The following NCAM2 variants were observed in gnomAD, a reference collection of about 807,000 sequenced individuals.
NCAM2 encodes neural cell adhesion molecule 2, also known as N-CAM-2.
In NCAM2, 30 loss-of-function variants were observed where a neutral mutation model predicts 98.1. The observed-to-expected ratio is 0.31, with a 90% confidence interval of 0.23 to 0.41. The LOEUF (loss-of-function observed/expected upper bound fraction) is 0.41, where lower values mean the gene tolerates loss of function less well. Among genes scored for constraint, NCAM2 ranks in the 10% least tolerant of loss-of-function variants. NCAM2 has a pLI of 1.00. For synonymous variants in NCAM2, 368 were observed against 342.4 expected, an observed-to-expected ratio of 1.07 and a Z score of -0.83; for missense variants, 867 against 1,005.8, an observed-to-expected ratio of 0.86 and a Z score of 1.87.
At chr21:21,226,240 G>A (rs1025468998) in intron 1 of NCAM2, among the ~76,000 whole-genome samples, 1 of 151,854 alleles carries the variant, frequency 6.6e-6, no homozygotes, top group Non-Finnish European at 1.5e-5. Context: ...ATTATTAGAA[G>A]CACAAACCTC....
intron 9 of NCAM2, among the ~76,000 whole-genome samples, chr21:21,378,304 C>T (rs931483790): frequency 1.3e-5 from 2 of 151,870 alleles, no homozygotes; most frequent in Non-Finnish European, 2.9e-5. Context: ...ACATTCCCAA[C>T]AAGTGTTCCT....
chr21:21,016,334 A>C (rs915309050), intron 1 of NCAM2, among the ~76,000 whole-genome samples: 17 of 152,226 alleles, frequency 1.1e-4, no homozygotes, highest in African/African-American at 4.1e-4. Flanking sequence ...CAAAGAATGC[A>C]AACAATATCA....
At chr21:21,448,547 T>A (rs964064015) in intron 12 of NCAM2, among the ~76,000 whole-genome samples, 2 of 151,870 alleles carry the variant, frequency 1.3e-5, no homozygotes, top group African/African-American at 4.8e-5. Flanking sequence ...AGTAAAATAA[T>A]CAGTATTTGG....
chr21:21,189,263 G>A lies in NCAM2; in HGVS notation c.56-91315G>A, dbSNP rs112999353. On this transcript the variant is annotated intron_variant, in intron 1 of 17. Coordinates refer to ENST00000400546, the MANE Select transcript of NCAM2 (RefSeq NM_004540.5). ...TGGTCTCTATTTTAATAGCAAATAC[G>A]TTGAAAGTGAAGTTTTTAATATATA... Among the ~76,000 whole-genome samples, 515 of 152,098 alleles carry A rather than the reference G, an allele frequency of 3.4e-3. 6 individuals carry two copies. The highest frequency in any genetic ancestry group is 0.012 in the African/African-American group (492 of 41,512).
chr21:21,020,903 T>TA (rs897339503), intron 1 of NCAM2, among the ~76,000 whole-genome samples: 7 of 152,206 alleles, frequency 4.6e-5, no homozygotes, highest in African/African-American at 1.7e-4. Flanking sequence ...GCAGTCATTC[T>TA]AGAGTACCGT....
chr21:21,248,366 C>A (rs1696589395), intron 1 of NCAM2, among the ~76,000 whole-genome samples: 1 of 151,966 alleles, frequency 6.6e-6, no homozygotes, highest in Non-Finnish European at 1.5e-5. Flanking sequence ...TTTTGATTAT[C>A]ATTAAACAAT....
chr21:21,259,134 G>T (rs1180828807), intron 1 of NCAM2, among the ~76,000 whole-genome samples: 1 of 152,136 alleles, frequency 6.6e-6, no homozygotes, highest in Non-Finnish European at 1.5e-5. Flanking sequence ...CCCTGAAAAT[G>T]AGGATGTGCA....
chr21:21,534,828 T>TAGATCTGAC (rs1989896838), intron 17 of NCAM2, among the ~76,000 whole-genome samples, 172 bp downstream of exon 17: 1 of 152,142 alleles, frequency 6.6e-6, no homozygotes, highest in Non-Finnish European at 1.5e-5. Flanking sequence ...AAGGAGACAT[T>TAGATCTGAC]TTTCATGAAA....
chr21:21,284,320 A>C lies in NCAM2; in HGVS notation c.257A>C (p.Glu86Ala). ...TTAACCATCTACAATGCAAATATAG[A>C]AGATGCAGGGATATATCGTTGTCAA... ...SRLTIYNANI[E>A]DAGIYRCQAT... is the part of the protein sequence containing the mutation. Residue 86 changes from glutamate (E) to alanine (A), a missense_variant, in exon 3 of 18, where the codon GAA becomes GCA. By Grantham distance (107) the Glu-to-Ala change is moderately radical. Coordinates refer to ENST00000400546, the MANE Select transcript of NCAM2 (RefSeq NM_004540.5). 1.2e-6 allele frequency: 2 copies of C among 1,612,478 alleles called. No individual in the cohort carries two copies. The highest frequency in any genetic ancestry group is 1.7e-6 in the Non-Finnish European group (2 of 1,178,800).
At chr21:21,275,167 G>C (rs930207339) in intron 1 of NCAM2, among the ~76,000 whole-genome samples, 8 of 152,014 alleles carry the variant, frequency 5.3e-5, no homozygotes, top group African/African-American at 1.9e-4. Flanking sequence ...TGGACCGGGC[G>C]CGGTGGCTCA....
chr21:21,272,512 A>ATG (rs1568867489), intron 1 of NCAM2, among the ~76,000 whole-genome samples: 1 of 79,998 alleles, frequency 1.3e-5, no homozygotes, highest in East Asian at 2.4e-4. Context: ...GCGCGCGCAC[A>ATG]CACACACACA....
intron 12 of NCAM2, among the ~76,000 whole-genome samples, chr21:21,461,127 G>C (rs184138853): frequency 2.1e-3 from 326 of 151,916 alleles, no homozygotes; most frequent in African/African-American, 7.5e-3. Flanking sequence ...TTACACATTT[G>C]TGATATTTTA....
At chr21:21,120,132 G>T (rs1037289540) in intron 1 of NCAM2, among the ~76,000 whole-genome samples, 1 of 152,182 alleles carries the variant, frequency 6.6e-6, no homozygotes, top group Non-Finnish European at 1.5e-5. Flanking sequence ...CTTGTATGCT[G>T]TAGAGAATGA....
At chr21:21,471,971 T>C (rs1338767483) in intron 14 of NCAM2, among the ~76,000 whole-genome samples, 1 of 152,040 alleles carries the variant, frequency 6.6e-6, no homozygotes, top group East Asian at 1.9e-4. Flanking sequence ...AACCGTGTGT[T>C]TGGAAAATAA....
intron 14 of NCAM2, among the ~76,000 whole-genome samples, chr21:21,474,978 C>A (rs2146252165): frequency 6.7e-6 from 1 of 149,640 alleles, no homozygotes; most frequent in Non-Finnish European, 1.5e-5. Context: ...CTATGTAGGT[C>A]TATATATATA....
intron 12 of NCAM2, among the ~76,000 whole-genome samples, chr21:21,462,519 C>T (rs968566828): frequency 5.9e-5 from 9 of 151,838 alleles, no homozygotes; most frequent in Admixed American, 3.3e-4. Context: ...GTGTAGTTCC[C>T]TTTAATAAAG....
rs1990247260 is a variant in NCAM2 at position 21,541,910 on chromosome 21, T to G, written c.*3953T>G. The G allele has an allele frequency of 6.6e-6, 1 of 151,848 alleles. No individual in the cohort carries two copies. The highest frequency in any genetic ancestry group is 2.4e-5 in the African/African-American group (1 of 41,420). 9.4% of individuals were successfully genotyped at this position (151,848 alleles called of 1,614,324 possible). The stretch of plus-strand genomic sequence containing the variant: ...CTGGATATATTTTTAACAATAAGTT[T>G]GTTAGCATTATTTATTTATCTTTAG... On this transcript the variant is annotated 3_prime_UTR_variant, in exon 18 of 18. Coordinates refer to ENST00000400546, the MANE Select transcript of NCAM2 (RefSeq NM_004540.5).
chr21:21,344,322 G>A (rs571415548), intron 8 of NCAM2, among the ~76,000 whole-genome samples: 11 of 152,268 alleles, frequency 7.2e-5, no homozygotes, highest in Admixed American at 5.2e-4. Flanking sequence ...TGGGGGTAAA[G>A]CATGAAGTGG....
chr21:21,025,060 G>A (rs565699614), intron 1 of NCAM2, among the ~76,000 whole-genome samples: 2 of 152,098 alleles, frequency 1.3e-5, no homozygotes, highest in African/African-American at 4.8e-5. Flanking sequence ...TTATTACAAA[G>A]GAAAAGGATT....
Sources: allele counts gnomAD v4.1 joint callset (sites outside exome capture counted in the v4.1 genomes callset), GRCh38; gene constraint gnomAD v4.1.1; transcripts MANE v1.5; gene names NCBI Gene and HGNC (gene_info 2026-07-23, HGNC 2026-07-21).